The following CHRDL1 variants were observed in gnomAD, a reference collection of about 807,000 sequenced individuals.
CHRDL1 encodes chordin-like protein 1.
A neutral mutation model predicts 40.9 loss-of-function variants in CHRDL1; 19 were observed. The ratio of observed to expected loss-of-function variants is 0.46; its 90% CI spans 0.32 to 0.68. The LOEUF is 0.68. CHRDL1 is among the 30% of genes least tolerant of loss of function. The pLI is 0.03. For missense variants in CHRDL1, 329 were observed against 352.1 expected, an observed-to-expected ratio of 0.93 and a Z score of 0.53; for synonymous variants, 136 against 123.4, an observed-to-expected ratio of 1.10 and a Z score of -0.68.
chrX:110,764,474 C>T (rs2089624378), intron 2 of CHRDL1, among the ~76,000 whole-genome samples: 1 of 112,113 alleles, frequency 8.9e-6, no homozygotes, highest in Non-Finnish European at 1.9e-5. Flanking sequence ...ATCTCTTAAT[C>T]CTGTTATCTT....
rs1311994716 is a variant in CHRDL1, at chrX:110,735,921, C to T, written c.302-14391G>A. Among the ~76,000 whole-genome samples, 9 of 112,530 alleles carry T rather than the reference C, an allele frequency of 8.0e-5. No individual in the cohort carries two copies. In the Admixed American group the frequency reaches 8.4e-4, roughly 11 times the overall value. Reference sequence around the variant, plus strand: ...AAGAGCCCATTGCTATCACATTAGGCATAAAGGAAGAAAAGAGGCATTTGG... The same window carrying T: ...AAGAGCCCATTGCTATCACATTAGGTATAAAGGAAGAAAAGAGGCATTTGG... On this transcript the variant is annotated intron_variant, in intron 4 of 11. Coordinates refer to ENST00000372042, the MANE Select transcript of CHRDL1 (RefSeq NM_001143981.2).
At chrX:110,686,898 T>TAA (rs773964159) in intron 9 of CHRDL1, among the ~76,000 whole-genome samples, 43 of 91,004 alleles carry the variant, frequency 4.7e-4, no homozygotes, top group Non-Finnish European at 8.3e-4. Context: ...AAACAAAAAA[T>TAA]AAAAAAAAAA....
intron 6 of CHRDL1, among the ~76,000 whole-genome samples, chrX:110,719,143 C>A (rs2070898619): frequency 9.0e-6 from 1 of 110,706 alleles, no homozygotes; most frequent in African/African-American, 3.3e-5. Flanking sequence ...AAGGATATTG[C>A]CAGTGGGAAA....
intron 4 of CHRDL1, among the ~76,000 whole-genome samples, chrX:110,744,365 C>T (rs765294543): frequency 9.0e-6 from 1 of 111,416 alleles, no homozygotes; most frequent in African/African-American, 3.3e-5. Context: ...CTTCTTCCTT[C>T]CTTCTCTGGC....
At chrX:110,735,901 C>A (rs754427405) in intron 4 of CHRDL1, among the ~76,000 whole-genome samples, 14 of 112,448 alleles carry the variant, frequency 1.2e-4, no homozygotes, top group Non-Finnish European at 2.6e-4. Flanking sequence ...ACTGAAAGAG[C>A]CCATTGCTAT....
intron 6 of CHRDL1, among the ~76,000 whole-genome samples, chrX:110,715,494 C>T (rs756470218): frequency 4.5e-5 from 5 of 111,663 alleles, no homozygotes; most frequent in East Asian, 2.8e-4. Context: ...CCATTTCATA[C>T]GTAGTAAGCA....
intron 9 of CHRDL1, among the ~76,000 whole-genome samples, chrX:110,687,006 T>C (rs2070039124): frequency 9.0e-6 from 1 of 111,192 alleles, no homozygotes; most frequent in Non-Finnish European, 1.9e-5. Context: ...GCTCCTGTCC[T>C]TCCTGTCCAC....
chrX:110,676,338 C>T lies in CHRDL1; in HGVS notation c.1270G>A (p.Gly424Arg), dbSNP rs771328892. 10 of 1,208,964 alleles carry T rather than the reference C, an allele frequency of 8.3e-6. No homozygotes were observed. In the Admixed American group the frequency reaches 2.0e-4, roughly 24 times the overall value. ...TLSQWKIFTE[G>R]EAQISQMCSS... ...CACATCTGGCTGATCTGAGCTTCTC[C>T]TTCGGTGAAGATCTTCCACTGGCCT... Residue 424 changes from glycine (G) to arginine (R), a missense_variant, in exon 12 of 12, where the codon GGA becomes AGA. Coordinates refer to ENST00000372042, the MANE Select transcript of CHRDL1 (RefSeq NM_001143981.2).
intron 2 of CHRDL1, among the ~76,000 whole-genome samples, chrX:110,766,255 C>T (rs1054498747): frequency 5.4e-5 from 6 of 110,377 alleles, no homozygotes; most frequent in African/African-American, 2.0e-4. Context: ...TCTGAAAGAG[C>T]ACAAATAGAC....
chrX:110,744,366 C>G (rs984284081), intron 4 of CHRDL1, among the ~76,000 whole-genome samples: 4 of 111,332 alleles, frequency 3.6e-5, no homozygotes, highest in African/African-American at 6.5e-5. Context: ...TTCTTCCTTC[C>G]TTCTCTGGCT....
chrX:110,707,427 C>T (rs1157652074), intron 6 of CHRDL1, among the ~76,000 whole-genome samples: 1 of 111,650 alleles, frequency 9.0e-6, no homozygotes, highest in Non-Finnish European at 1.9e-5. Context: ...CAGCATGGTA[C>T]TGGTACCAAA....
rs1334712002 is a variant in CHRDL1, at chrX:110,689,739, ATATATATC to A, written c.779-944_779-937del. On this transcript the variant is annotated intron_variant, in intron 8 of 11. Transcript: ENST00000372042. The stretch of plus-strand genomic sequence containing the variant: ...TATATCTATATATATCTATATATCT[ATATATATC>A]TATATATCTATATATCTATATATAT... 2.6e-4 allele frequency among the ~76,000 whole-genome samples: 14 copies of A among 53,168 alleles called. 3 individuals are homozygous for A. The South Asian group carries it at 3.5e-3, about 13-fold the overall frequency. The allele number at this position is 53,168 out of a possible 115,157, so 46.2% of individuals were successfully genotyped here.
chrX:110,771,463 A>G (rs2089758791), intron 2 of CHRDL1, among the ~76,000 whole-genome samples: 1 of 112,530 alleles, frequency 8.9e-6, no homozygotes, highest in African/African-American at 3.2e-5. Flanking sequence ...ATCTAACAAT[A>G]TGTAGAAAGA....
At chrX:110,717,294 A>G (rs1290464469) in intron 6 of CHRDL1, among the ~76,000 whole-genome samples, 1 of 112,146 alleles carries the variant, frequency 8.9e-6, no homozygotes, top group East Asian at 2.8e-4. Context: ...AAAGTGTGAG[A>G]AACACTGACA....
At chrX:110,733,019 C>A (rs971115260) in intron 4 of CHRDL1, among the ~76,000 whole-genome samples, 1 of 112,262 alleles carries the variant, frequency 8.9e-6, no homozygotes, top group East Asian at 2.8e-4. Flanking sequence ...AAGCAACATA[C>A]AACAAAGTCA....
intron 4 of CHRDL1, among the ~76,000 whole-genome samples, chrX:110,744,198 G>C (rs978309557): frequency 8.9e-6 from 1 of 112,374 alleles, no homozygotes; most frequent in Non-Finnish European, 1.9e-5. Context: ...CATTGAACTT[G>C]TGCCCAATTC....
intron 3 of CHRDL1, among the ~76,000 whole-genome samples, chrX:110,760,265 T>A (rs1452586465): frequency 8.9e-6 from 1 of 112,181 alleles, no homozygotes; most frequent in Non-Finnish European, 1.9e-5. Context: ...TTAGCCAAAA[T>A]TCTTCTGAGG....
At chrX:110,789,448 A>C (rs938993806) in intron 2 of CHRDL1, among the ~76,000 whole-genome samples, 1 of 112,230 alleles carries the variant, frequency 8.9e-6, no homozygotes, top group African/African-American at 3.2e-5. Context: ...TAAGTGCCTA[A>C]AGATGTTCAT....
intron 4 of CHRDL1, among the ~76,000 whole-genome samples, chrX:110,742,822 G>A (rs185854300): frequency 3.6e-5 from 4 of 111,468 alleles, no homozygotes; most frequent in Non-Finnish European, 5.7e-5. Context: ...AATATGGGGA[G>A]AGGCAGCTGA....
Sources: gnomAD v4.1 joint callset for allele counts (sites outside exome capture counted in the v4.1 genomes callset) on GRCh38, gnomAD v4.1.1 for gene constraint, MANE v1.5 for transcripts, NCBI Gene and HGNC (gene_info 2026-07-23, HGNC 2026-07-21) for gene names.